Variants in TUBD1 observed in about 807,000 individuals in gnomAD.
TUBD1 encodes the protein tubulin delta chain.
A neutral mutation model predicts 51.2 loss-of-function variants in TUBD1; 38 were observed. The observed-to-expected ratio is 0.74, with a 90% confidence interval of 0.57 to 0.97. The LOEUF (loss-of-function observed/expected upper bound fraction) is 0.97. Ranked by LOEUF, TUBD1 falls within the 50% of genes least tolerant of loss-of-function variation. TUBD1 has a pLI of 0.00. For synonymous variants in TUBD1, 169 were observed against 178.2 expected (o/e 0.95, Z 0.41); for missense variants, 489 against 538.4 (o/e 0.91, Z 0.91).
At chr17:59,881,156 C>G (rs1394424465) in intron 3 of TUBD1, 46 bp from the exon 4 acceptor site, 1 of 1,437,260 alleles carries the variant, frequency 7.0e-7, no homozygotes, top group Non-Finnish European at 9.8e-7. Context: ...TTCAATTTAA[C>G]CACAGATATG....
intron 2 of TUBD1, among the ~76,000 whole-genome samples, chr17:59,889,430 G>C (rs1015575214): frequency 6.6e-6 from 1 of 151,488 alleles, no homozygotes; most frequent in African/African-American, 2.4e-5. Flanking sequence ...ACTTTGGGAA[G>C]CTGAGGTGGG....
chr17:59,867,130 G>A (rs1375910953), intron 6 of TUBD1, among the ~76,000 whole-genome samples: 1 of 151,444 alleles, frequency 6.6e-6, no homozygotes, highest in Non-Finnish European at 1.5e-5. Flanking sequence ...CTTTGAACAA[G>A]AGGAGAAAAA....
chr17:59,869,674 G>A (rs1568291137), intron 6 of TUBD1, among the ~76,000 whole-genome samples: 1 of 151,954 alleles, frequency 6.6e-6, no homozygotes, highest in Non-Finnish European at 1.5e-5. Flanking sequence ...AATTCAGGAA[G>A]CACTATTTTT....
At chr17:59,868,623 G>A (rs2039827605) in intron 6 of TUBD1, among the ~76,000 whole-genome samples, 1 of 152,106 alleles carries the variant, frequency 6.6e-6, no homozygotes, top group Admixed American at 6.6e-5. Context: ...GGGATCACGA[G>A]TTCAAGAGAT....
chr17:59,883,076 T>C (rs781294851), intron 3 of TUBD1, among the ~76,000 whole-genome samples: 1 of 151,382 alleles, frequency 6.6e-6, no homozygotes, highest in Non-Finnish European at 1.5e-5. Flanking sequence ...AGAGCCACCA[T>C]ACCCAGCCGC....
chr17:59,878,573 C>T (rs1477463206), intron 4 of TUBD1: 1 of 376,120 alleles, frequency 2.7e-6, no homozygotes, highest in African/African-American at 2.1e-5. Context: ...CAACCTCGGC[C>T]TCCCGGTTCG....
intron 6 of TUBD1, among the ~76,000 whole-genome samples, chr17:59,870,622 G>A (rs978277143): frequency 6.6e-6 from 1 of 151,652 alleles, no homozygotes; most frequent in Non-Finnish European, 1.5e-5. Context: ...AGCAGCTTTC[G>A]CAGGAAAGTG....
intron 6 of TUBD1, among the ~76,000 whole-genome samples, chr17:59,867,531 ACT>A (rs1204382246): frequency 1.8e-5 from 2 of 111,738 alleles, no homozygotes; most frequent in Admixed American, 8.7e-5. Flanking sequence ...AAAATAGCAG[ACT>A]CTGCTTCTTA....
intron 6 of TUBD1, among the ~76,000 whole-genome samples, chr17:59,868,840 A>T (rs2039843065): frequency 6.6e-6 from 1 of 151,366 alleles, no homozygotes; most frequent in South Asian, 2.1e-4. Flanking sequence ...CATCTCAAAA[A>T]ATAAATAAAT....
intron 5 of TUBD1, among the ~76,000 whole-genome samples, chr17:59,877,138 C>T (rs757903611): frequency 2.0e-5 from 3 of 152,146 alleles, no homozygotes; most frequent in East Asian, 1.9e-4. Context: ...GGGATACAGG[C>T]GTGAGCCACC....
At chr17:59,877,111 C>T (rs1339322602) in intron 5 of TUBD1, among the ~76,000 whole-genome samples, 1 of 151,790 alleles carries the variant, frequency 6.6e-6, no homozygotes, top group Non-Finnish European at 1.5e-5. Context: ...CCACCCTCCT[C>T]AGCCTCCCAA....
chr17:59,873,414 T>A (rs1043758623), intron 6 of TUBD1, among the ~76,000 whole-genome samples: 3 of 151,768 alleles, frequency 2.0e-5, no homozygotes, highest in Non-Finnish European at 4.4e-5. Context: ...CATGTCCAGA[T>A]AATTTTTTAT....
chr17:59,866,248 T>C (rs1422635259), intron 7 of TUBD1, among the ~76,000 whole-genome samples: 1 of 149,752 alleles, frequency 6.7e-6, no homozygotes, highest in Non-Finnish European at 1.5e-5. Flanking sequence ...TTTTTTTTTT[T>C]AATAGAGACA....
At position 59,874,705 on chromosome 17, in the gene TUBD1, T is replaced by C. The variant is rs750349670; in HGVS notation, c.770-2A>G. On this transcript the variant is annotated splice_acceptor_variant, in intron 5 of 8. Transcript: ENST00000325752. LOFTEE classifies it high-confidence loss of function. ...GAACTAAATGCTCCATTAAGTCTCC[T>C]GTAAAGAAAAAAAAATCTGAACTAA... The C allele has an allele frequency of 1.9e-6, 3 of 1,600,518 alleles. No homozygotes were observed. Among genetic ancestry groups the C allele is most frequent in the Non-Finnish European group, 1.7e-6 (2 of 1,177,002 alleles).
At chr17:59,883,733 C>T (rs927718573) in intron 3 of TUBD1, among the ~76,000 whole-genome samples, 5 of 151,558 alleles carry the variant, frequency 3.3e-5, no homozygotes, top group Non-Finnish European at 5.9e-5. Context: ...AAAATTTTTT[C>T]GTAGCGATAG....
chr17:59,892,159 C>T (rs975582926), intron 1 of TUBD1, among the ~76,000 whole-genome samples: 37 of 152,310 alleles, frequency 2.4e-4, no homozygotes, highest in African/African-American at 7.7e-4. Flanking sequence ...ACTAGTCTAG[C>T]CTGGTAACTT....
At chr17:59,869,250 C>A (rs563726337) in intron 6 of TUBD1, among the ~76,000 whole-genome samples, 1 of 151,510 alleles carries the variant, frequency 6.6e-6, no homozygotes, top group Admixed American at 6.6e-5. Flanking sequence ...CCAAGGCGGG[C>A]AAATCACAAG....
chr17:59,889,967 CAAAAAAA>C (rs35427875), intron 2 of TUBD1, among the ~76,000 whole-genome samples: 4 of 69,390 alleles, frequency 5.8e-5, no homozygotes, highest in Admixed American at 1.7e-4. Flanking sequence ...GAGACTCTCT[CAAAAAAA>C]AAAAAAAAAA....
intron 1 of TUBD1, 102 bp downstream of exon 1, chr17:59,892,595 G>T (rs1314865957): frequency 1.3e-5 from 2 of 152,890 alleles, no homozygotes; most frequent in Admixed American, 1.3e-4. Context: ...GCTCTGAAAG[G>T]TTATTGACTT....
Sources: allele counts gnomAD v4.1 joint callset (sites outside exome capture counted in the v4.1 genomes callset), GRCh38; gene constraint gnomAD v4.1.1; transcripts MANE v1.5; gene names NCBI Gene and HGNC (gene_info 2026-07-23, HGNC 2026-07-21).